The following EYS variants were observed in gnomAD, a reference collection of about 807,000 sequenced individuals.
EYS encodes EGF-like photoreceptor maintenance factor, also known as protein eyes shut homolog.
Under a neutral mutation model 282.1 loss-of-function variants are expected in EYS, and 250 were observed. The observed-to-expected ratio is 0.89, with a 90% CI of 0.80 to 0.98. The LOEUF (loss-of-function observed/expected upper bound fraction) is 0.98, where lower values mean the gene tolerates loss of function less well. Among genes scored for constraint, EYS ranks in the 50% least tolerant of loss-of-function variants. The pLI, the probability that EYS is intolerant of heterozygous loss-of-function variation, is 0.00. For missense variants in EYS, 4,016 were observed against 3,709.0 expected (o/e 1.08, Z -2.15); for synonymous variants, 1,355 against 1,282.9 (o/e 1.06, Z -1.20).
At chr6:64,025,131 A>C (rs1156272407) in intron 33 of EYS, among the ~76,000 whole-genome samples, 2 of 152,074 alleles carry the variant, frequency 1.3e-5, no homozygotes, top group Non-Finnish European at 1.5e-5. Flanking sequence ...ATAACCGGGC[A>C]CCTGTCAGCC....
chr6:65,060,003 T>A (rs949855434), intron 12 of EYS, among the ~76,000 whole-genome samples: 3 of 152,044 alleles, frequency 2.0e-5, no homozygotes, highest in Non-Finnish European at 4.4e-5. Flanking sequence ...TGTCTCTGTG[T>A]CTTCTGATCC....
chr6:64,697,966 A>G (rs1434467864), intron 22 of EYS, among the ~76,000 whole-genome samples: 5 of 152,104 alleles, frequency 3.3e-5, no homozygotes, highest in African/African-American at 1.2e-4. Context: ...AAAAAAGCAA[A>G]AAAAATCAAA....
intron 2 of EYS, among the ~76,000 whole-genome samples, chr6:65,585,761 A>G (rs1279465325): frequency 1.3e-5 from 2 of 151,986 alleles, no homozygotes; most frequent in African/African-American, 4.8e-5. Flanking sequence ...GAAAAGATTA[A>G]TAGAAGATTT....
chr6:64,085,335 C>CGT (rs1772115714), intron 31 of EYS, among the ~76,000 whole-genome samples: 2 of 131,018 alleles, frequency 1.5e-5, no homozygotes, highest in East Asian at 2.4e-4. Context: ...TGCGCACGTG[C>CGT]GCGCGCACAC....
chr6:65,626,591 G>A (rs1028074503), intron 2 of EYS, among the ~76,000 whole-genome samples: 1 of 152,058 alleles, frequency 6.6e-6, no homozygotes, highest in Non-Finnish European at 1.5e-5. Flanking sequence ...TTTAATTAAA[G>A]CTCCTCTGAT....
At chr6:64,296,113 C>T (rs969858359) in intron 30 of EYS, among the ~76,000 whole-genome samples, 1 of 152,008 alleles carries the variant, frequency 6.6e-6, no homozygotes, top group African/African-American at 2.4e-5. Context: ...TTTAACTCAC[C>T]TTTAACAATT....
intron 5 of EYS, among the ~76,000 whole-genome samples, chr6:65,467,510 CACACACACACAT>C (rs1765046902): frequency 1.3e-5 from 2 of 151,732 alleles, no homozygotes; most frequent in Admixed American, 1.3e-4. Flanking sequence ...TTTAAACACA[CACACACACACAT>C]ACACACACAC....
intron 12 of EYS, among the ~76,000 whole-genome samples, chr6:65,292,176 C>A (rs1582107827): frequency 1.3e-5 from 2 of 151,636 alleles, no homozygotes; most frequent in Non-Finnish European, 3.0e-5. Context: ...CTACTTTCTC[C>A]TCTTAGGCAT....
chr6:64,136,562 C>G (rs1774167131), intron 31 of EYS, among the ~76,000 whole-genome samples: 1 of 151,994 alleles, frequency 6.6e-6, no homozygotes, highest in South Asian at 2.1e-4. Context: ...ACCCCTTAAT[C>G]CAATGACTGC....
chr6:65,522,047 T>A (rs1457769548), intron 2 of EYS, among the ~76,000 whole-genome samples: 1 of 152,198 alleles, frequency 6.6e-6, no homozygotes, highest in Admixed American at 6.6e-5. Flanking sequence ...TTTTAACATT[T>A]ATTACAATTC....
intron 12 of EYS, among the ~76,000 whole-genome samples, chr6:65,081,863 T>C (rs923872280): frequency 6.6e-6 from 1 of 152,054 alleles, no homozygotes; most frequent in South Asian, 2.1e-4. Context: ...TCTAAATGTA[T>C]CCTAATGCAT....
At chr6:65,337,602 A>G (rs74390168) in intron 10 of EYS, among the ~76,000 whole-genome samples, 1,716 of 151,198 alleles carry the variant, frequency 0.011, 30 homozygotes, top group African/African-American at 0.039. Flanking sequence ...TTTTCTTTAA[A>G]AAAAGAGAAT....
intron 12 of EYS, among the ~76,000 whole-genome samples, chr6:65,153,238 T>C (rs923792272): frequency 7.9e-5 from 12 of 151,880 alleles, no homozygotes; most frequent in African/African-American, 2.7e-4. Flanking sequence ...TTGACAGCAT[T>C]CAGGAGCTTT....
chr6:65,571,904 C>T (rs1209426409), intron 2 of EYS, among the ~76,000 whole-genome samples: 1 of 151,880 alleles, frequency 6.6e-6, no homozygotes, highest in African/African-American at 2.4e-5. Flanking sequence ...TAAGAAATTT[C>T]AATCAAATTT....
At chr6:63,893,310 AG>A (rs1330273367) in intron 35 of EYS, among the ~76,000 whole-genome samples, 3 of 152,224 alleles carry the variant, frequency 2.0e-5, no homozygotes, top group Non-Finnish European at 4.4e-5. Context: ...ACAATAGCAA[AG>A]ACTTGGAACC....
intron 22 of EYS, among the ~76,000 whole-genome samples, chr6:64,712,760 G>T (rs1004285465): frequency 6.6e-5 from 10 of 152,114 alleles, no homozygotes; most frequent in Non-Finnish European, 1.0e-4. Flanking sequence ...CATTTCTCTG[G>T]CAAGTTATCT....
At chr6:64,657,197 C>A (rs933307185) in intron 22 of EYS, among the ~76,000 whole-genome samples, 10 of 151,566 alleles carry the variant, frequency 6.6e-5, no homozygotes, top group African/African-American at 2.4e-4. Flanking sequence ...TTTTGTTTTC[C>A]ATTTGCTTGG....
chr6:64,703,408 C>T (rs1032778884), intron 22 of EYS, among the ~76,000 whole-genome samples: 2,342 of 31,112 alleles, frequency 0.075, 69 homozygotes, highest in East Asian at 0.23. Flanking sequence ...CACACACACA[C>T]ACATATATAT....
intron 26 of EYS, among the ~76,000 whole-genome samples, chr6:64,547,956 G>T (rs1764934990): frequency 6.6e-6 from 1 of 152,220 alleles, no homozygotes; most frequent in African/African-American, 2.4e-5. Flanking sequence ...TGCCAGCAGG[G>T]CTGGCCGGCA....
Sources: gnomAD v4.1 joint callset for allele counts (sites outside exome capture counted in the v4.1 genomes callset) on GRCh38, gnomAD v4.1.1 for gene constraint, MANE v1.5 for transcripts, NCBI Gene and HGNC (gene_info 2026-07-23, HGNC 2026-07-21) for gene names.